CHAF1B: variants seen among roughly 807,000 people sequenced by gnomAD.
The protein encoded by CHAF1B is CAF-1 subunit B.
In CHAF1B, 10 loss-of-function variants were observed where a neutral mutation model predicts 60.7. That is an observed-to-expected ratio of 0.16 (90% CI 0.10 to 0.28). The LOEUF (loss-of-function observed/expected upper bound fraction) is 0.28. Among genes scored for constraint, CHAF1B ranks in the 10% least tolerant of loss-of-function variants. CHAF1B has a pLI of 1.00. For missense variants in CHAF1B, 558 were observed against 708.4 expected (o/e 0.79, Z 2.41); for synonymous variants, 261 against 266.1 (o/e 0.98, Z 0.19).
At chr21:36,413,857 T>C (rs2146377930) in intron 12 of CHAF1B, among the ~76,000 whole-genome samples, 1 of 152,324 alleles carries the variant, frequency 6.6e-6, no homozygotes, top group South Asian at 2.1e-4. Flanking sequence ...CCCCTGCTGG[T>C]TGTGAGCCCC....
At chr21:36,392,712 C>T (rs2086101356) in intron 4 of CHAF1B, among the ~76,000 whole-genome samples, 1 of 151,906 alleles carries the variant, frequency 6.6e-6, no homozygotes, top group South Asian at 2.1e-4. Context: ...GGCAGAGACG[C>T]TCCTCACCTC....
intron 4 of CHAF1B, among the ~76,000 whole-genome samples, chr21:36,393,922 C>CA (rs1569122035): frequency 6.6e-6 from 1 of 151,090 alleles, no homozygotes; most frequent in African/African-American, 2.4e-5. Context: ...TGTTTAGAGT[C>CA]AGAGTCTCAC....
Position 36,416,306 on chromosome 21 carries a change from A to G in CHAF1B, c.1620A>G (p.Pro540=). 2 of 1,614,076 alleles carry G rather than the reference A, an allele frequency of 1.2e-6. No individual in the cohort carries two copies. The highest frequency in any genetic ancestry group is 1.1e-5 in the South Asian group (1 of 91,078). Residue 540 remains proline, a synonymous_variant, in exon 14 of 14, where the codon CCA becomes CCG. Transcript: ENST00000314103. ...ETPGDAQGSP[P]ELKRPRLDEN... is the part of the protein sequence containing the mutation. ...CTGGAGACGCTCAGGGCAGTCCCCC[A>G]GAGCTAAAGCGGCCCAGACTCGATG...
chr21:36,400,995 C>T (rs925662477), intron 7 of CHAF1B, among the ~76,000 whole-genome samples: 53 of 152,006 alleles, frequency 3.5e-4, no homozygotes, highest in African/African-American at 1.3e-3. Flanking sequence ...TTCCCGGGTG[C>T]GGTGGCTCAG....
intron 3 of CHAF1B, among the ~76,000 whole-genome samples, chr21:36,390,742 ACCTCCCGGGCTCAAGTGAT>A (rs774442214): frequency 5.9e-5 from 9 of 151,922 alleles, no homozygotes; most frequent in Non-Finnish European, 1.3e-4. Flanking sequence ...TGCAGCCTCC[ACCTCCCGGGCTCAAGTGAT>A]CCTCCCACCT....
At chr21:36,389,664 A>G (rs2086066626) in intron 3 of CHAF1B, among the ~76,000 whole-genome samples, 1 of 149,532 alleles carries the variant, frequency 6.7e-6, no homozygotes, top group Non-Finnish European at 1.5e-5. Context: ...AGAAACTATT[A>G]CAAAATAAAA....
chr21:36,411,116 CT>C (rs35488336), intron 10 of CHAF1B, among the ~76,000 whole-genome samples: 107,631 of 126,756 alleles, frequency 0.85, 45,694 homozygotes, highest in Non-Finnish European at 0.89. Flanking sequence ...TATAAATATT[CT>C]TTTTTTTTTT....
At chr21:36,390,062 G>A (rs1008518505) in intron 3 of CHAF1B, among the ~76,000 whole-genome samples, 12 of 152,078 alleles carry the variant, frequency 7.9e-5, no homozygotes, top group East Asian at 1.9e-4. Context: ...GGCTGGGTGC[G>A]GTGGCTCACG....
intron 3 of CHAF1B, among the ~76,000 whole-genome samples, chr21:36,389,800 T>TGTGTGTGTGTGTGCACGCGC: frequency 8.0e-6 from 1 of 124,746 alleles, no homozygotes; most frequent in Non-Finnish European, 1.6e-5. Flanking sequence ...TGTGTGTGTG[T>TGTGTGTGTGTGTGCACGCGC]GCGCGCGCAC....
chr21:36,405,869 T>C (rs189583302), intron 8 of CHAF1B, among the ~76,000 whole-genome samples: 1 of 152,288 alleles, frequency 6.6e-6, no homozygotes, highest in East Asian at 1.9e-4. Flanking sequence ...TCATTTCCAA[T>C]TAGAATTGCA....
At chr21:36,407,130 T>G (rs1272875381) in intron 8 of CHAF1B, among the ~76,000 whole-genome samples, 8 of 151,702 alleles carry the variant, frequency 5.3e-5, no homozygotes, top group Admixed American at 5.3e-4. Flanking sequence ...GGCAAAACCC[T>G]GTCTCTACTA....
intron 10 of CHAF1B, among the ~76,000 whole-genome samples, chr21:36,410,108 G>A (rs567335103): frequency 4.0e-5 from 6 of 151,834 alleles, no homozygotes; most frequent in Middle Eastern, 3.4e-3. Context: ...GATTACAGGC[G>A]CATGCCACCA....
At chr21:36,415,019 C>T (rs1007022589) in intron 12 of CHAF1B, among the ~76,000 whole-genome samples, 1 of 152,102 alleles carries the variant, frequency 6.6e-6, no homozygotes, top group Non-Finnish European at 1.5e-5. Flanking sequence ...TTCACAAGAC[C>T]GTCGGTAATG....
chr21:36,412,442 C>T lies in CHAF1B; in HGVS notation c.1062-442C>T, dbSNP rs571213479. On this transcript the variant is annotated intron_variant, in intron 11 of 13. Transcript: ENST00000314103. ...TGGAACGATCGTGGCTCACTACAAC[C>T]TCCGCCTCCTGGGTTCAAGCAATTC... 2.0e-5 allele frequency among the ~76,000 whole-genome samples: 3 copies of T among 152,078 alleles called. No homozygotes were observed. The South Asian group carries it at 6.2e-4, about 32-fold the overall frequency.
chr21:36,401,161 G>A (rs984859807), intron 7 of CHAF1B, among the ~76,000 whole-genome samples: 6 of 151,636 alleles, frequency 4.0e-5, no homozygotes, highest in South Asian at 2.1e-4. Context: ...CAGCTACTCC[G>A]GTGGCTGAGG....
At chr21:36,407,267 A>C (rs866460893) in intron 8 of CHAF1B, among the ~76,000 whole-genome samples, 3 of 151,390 alleles carry the variant, frequency 2.0e-5, no homozygotes, top group South Asian at 4.2e-4. Context: ...GCACCACTGC[A>C]CTCTAGCCTG....
In CHAF1B at chr21:36,418,848, C is replaced by CA. The variant is rs577107606; in HGVS notation, c.*2497dup. The CA allele has an allele frequency of 0.31, 31,627 of 102,044 alleles. 5,419 individuals carry two copies. Among genetic ancestry groups the CA allele is most frequent in the African/African-American group, 0.54 (18,000 of 33,030 alleles). 6.3% of individuals were successfully genotyped at this position (102,044 alleles called of 1,614,324 possible). A position where few individuals can be genotyped will look rare whatever the true frequency, so the allele number is the denominator to read the frequency against. On this transcript the variant is annotated 3_prime_UTR_variant, in exon 14 of 14. Coordinates refer to ENST00000314103, the MANE Select transcript of CHAF1B (RefSeq NM_005441.3). Reference sequence around the variant, plus strand: ...TGGGCGACAGAGCGAGACTCTGTCTCAAAAAAAAAAAAAAAGAGAAAAAGA... The same window carrying CA: ...TGGGCGACAGAGCGAGACTCTGTCTCAAAAAAAAAAAAAAAAGAGAAAAAGA...
chr21:36,409,560 T>C (rs1251164628), intron 10 of CHAF1B, 95 bp downstream of exon 10: 16 of 725,828 alleles, frequency 2.2e-5, no homozygotes, highest in Non-Finnish European at 3.0e-5. Flanking sequence ...TGGGGAAAGG[T>C]GGGTATCTGG....
intron 2 of CHAF1B, among the ~76,000 whole-genome samples, chr21:36,387,104 A>T (rs938470072): frequency 2.6e-5 from 4 of 152,160 alleles, no homozygotes; most frequent in African/African-American, 9.7e-5. Flanking sequence ...CTGGGTAACA[A>T]GTTGCTCTAG....
Sources: gnomAD v4.1 joint callset for allele counts (sites outside exome capture counted in the v4.1 genomes callset) on GRCh38, gnomAD v4.1.1 for gene constraint, MANE v1.5 for transcripts, NCBI Gene and HGNC (gene_info 2026-07-23, HGNC 2026-07-21) for gene names.